Variants in ATE1 observed in about 807,000 individuals in gnomAD.
The protein encoded by ATE1 is arginyl-tRNA--protein transferase 1.
ATE1 carries 36 observed loss-of-function variants against 70.5 expected under a neutral mutation model. That is an observed-to-expected ratio of 0.51 (90% confidence interval 0.39 to 0.67). The LOEUF is 0.67. ATE1 is among the 30% of genes least tolerant of loss of function. The pLI, the probability that ATE1 is intolerant of heterozygous loss-of-function variation, is 0.00. For missense variants in ATE1, 593 were observed against 629.5 expected (o/e 0.94, Z 0.62); for synonymous variants, 232 against 219.3 (o/e 1.06, Z -0.51).
chr10:121,751,353 A>G (rs935311180), intron 11 of ATE1, among the ~76,000 whole-genome samples: 1 of 152,214 alleles, frequency 6.6e-6, no homozygotes, highest in African/African-American at 2.4e-5. Flanking sequence ...TGCAACCATA[A>G]CATCTATTAG....
chr10:121,901,456 A>T (rs892681063), intron 6 of ATE1, among the ~76,000 whole-genome samples: 5 of 152,058 alleles, frequency 3.3e-5, no homozygotes, highest in African/African-American at 1.2e-4. Context: ...CATTATGGCT[A>T]ATGTTTTTGA....
chr10:121,920,501 G>A (rs995701030), intron 3 of ATE1, among the ~76,000 whole-genome samples: 1 of 151,212 alleles, frequency 6.6e-6, no homozygotes, highest in African/African-American at 2.4e-5. Context: ...CTGCATTCCA[G>A]CCTGAGCAAG....
intron 6 of ATE1, among the ~76,000 whole-genome samples, chr10:121,901,230 G>C (rs565882657): frequency 6.6e-6 from 1 of 152,008 alleles, no homozygotes; most frequent in South Asian, 2.1e-4. Flanking sequence ...TCGCGCCATT[G>C]CACTCCAGCC....
Position 121,927,891 on chromosome 10 carries a change from A to C in ATE1, c.59T>G (p.Phe20Cys). 1.3e-6 allele frequency: 2 copies of C among 1,591,980 alleles called. No homozygotes were observed. The highest frequency in any genetic ancestry group is 2.3e-5 in the South Asian group (2 of 88,050). ...SVVDYFPSED[F>C]YRCGYCKNES... ...GTTCTTGCAGTAGCCGCAGCGGTAG[A>C]AGTCCTCGCTAGGGAAATAGTCCAC... The change falls in exon 1 of 12, where the codon TTC becomes TGC. Residue 20 changes from phenylalanine (F) to cysteine (C), a missense_variant. This residue lies in a region of ATE1 where 467 missense variants were observed against 469.6 expected (regional missense o/e 0.99). Coordinates refer to ENST00000224652, the MANE Select transcript of ATE1 (RefSeq NM_001001976.3).
chr10:121,865,796 C>T, intron 8 of ATE1, among the ~76,000 whole-genome samples: 1 of 152,206 alleles, frequency 6.6e-6, no homozygotes, highest in East Asian at 1.9e-4. Flanking sequence ...ACTGACTCTC[C>T]ACACATGGTC....
At position 121,743,670 on chromosome 10, in the gene ATE1, G is replaced by A. The variant is rs747518564; in HGVS notation, c.*10C>T. On this transcript the variant is annotated 3_prime_UTR_variant, in exon 12 of 12. Coordinates refer to ENST00000224652, the MANE Select transcript of ATE1 (RefSeq NM_001001976.3). ...CACAACACAGGAACTTCCCGGCAGA[G>A]GTGAACAGGTCAGTTTCTGAACAGC... is the stretch of plus-strand genomic sequence containing the variant. The A allele has an allele frequency of 1.3e-6, 2 of 1,598,934 alleles. No homozygotes were observed. Among genetic ancestry groups the A allele is most frequent in the South Asian group, 2.3e-5 (2 of 88,582 alleles).
chr10:121,841,227 C>A lies in ATE1; in HGVS notation c.1012G>T (p.Gly338Cys). The A allele has an allele frequency of 6.4e-7, 1 of 1,554,762 alleles. No individual in the cohort carries two copies. Among genetic ancestry groups the A allele is most frequent in the Non-Finnish European group, 8.7e-7 (1 of 1,144,908 alleles). ...TPPNGPDCGYGSFHQQYWLDG... is the reference protein window; with the variant it reads ...TPPNGPDCGYCSFHQQYWLDG... ...AGCCAGTACTGCTGGTGAAAGGAGC[C>A]ATAGCCACAATCTGGCCCATTAGGG... Residue 338 changes from glycine (G) to cysteine (C), a missense_variant, in exon 9 of 12, where the codon GGC (glycine) becomes TGC (cysteine). Transcript: ENST00000224652.
chr10:121,783,818 T>C (rs1461398877), intron 11 of ATE1, among the ~76,000 whole-genome samples: 1 of 152,228 alleles, frequency 6.6e-6, no homozygotes, highest in Non-Finnish European at 1.5e-5. Context: ...ATGATTTCTA[T>C]AATTTACTAC....
chr10:121,754,161 A>G (rs1160161267), intron 11 of ATE1, among the ~76,000 whole-genome samples: 1 of 152,232 alleles, frequency 6.6e-6, no homozygotes, highest in East Asian at 1.9e-4. Context: ...TATGTGTATA[A>G]ACTCACATAT....
chr10:121,842,931 A>G (rs1948684355), intron 8 of ATE1, among the ~76,000 whole-genome samples: 1 of 152,182 alleles, frequency 6.6e-6, no homozygotes, highest in Non-Finnish European at 1.5e-5. Flanking sequence ...AGGTAAGGAT[A>G]TCCTCTCTCA....
intron 3 of ATE1, among the ~76,000 whole-genome samples, chr10:121,920,313 AGCCTAGGAAACATGGTGAGATCT>A (rs1951827986): frequency 6.6e-6 from 1 of 151,844 alleles, no homozygotes; most frequent in Non-Finnish European, 1.5e-5. Flanking sequence ...TGGCGAGATC[AGCCTAGGAAACATGGTGAGATCT>A]GCCTAGGAAA....
intron 2 of ATE1, 63 bp from the exon 3 acceptor site, chr10:121,922,474 A>G: frequency 1.1e-6 from 1 of 932,522 alleles, no homozygotes; most frequent in Non-Finnish European, 1.7e-6. Flanking sequence ...AAAACAGCCT[A>G]GCACAGGAGC....
chr10:121,856,962 G>GA (rs1949272986), intron 8 of ATE1, among the ~76,000 whole-genome samples: 1 of 152,184 alleles, frequency 6.6e-6, no homozygotes, highest in South Asian at 2.1e-4. Context: ...TAATGCTGAA[G>GA]ATTTTGAAAA....
At chr10:121,790,342 G>C (rs1946384837) in intron 10 of ATE1, 53 bp from the exon 11 acceptor site, 3 of 1,594,116 alleles carry the variant, frequency 1.9e-6, no homozygotes, top group Non-Finnish European at 1.7e-6. Flanking sequence ...AGCAATGCCA[G>C]AGATAAAGGG....
intron 8 of ATE1, among the ~76,000 whole-genome samples, chr10:121,856,914 T>C (rs922356969): frequency 2.0e-5 from 3 of 152,230 alleles, no homozygotes; most frequent in East Asian, 3.8e-4. Flanking sequence ...AAACTGCTCA[T>C]TGGTTTACTA....
chr10:121,800,681 C>G (rs963445183), intron 10 of ATE1, among the ~76,000 whole-genome samples: 4 of 152,126 alleles, frequency 2.6e-5, no homozygotes, highest in African/African-American at 9.7e-5. Context: ...AAAAAATTAA[C>G]TAGATAAAGT....
intron 7 of ATE1, among the ~76,000 whole-genome samples, chr10:121,889,263 C>G (rs901870097): frequency 1.1e-4 from 17 of 151,980 alleles, no homozygotes; most frequent in African/African-American, 3.6e-4. Context: ...GTACACATAA[C>G]CTACACCTAA....
intron 8 of ATE1, among the ~76,000 whole-genome samples, chr10:121,844,522 G>C (rs533746627): frequency 6.6e-6 from 1 of 152,200 alleles, no homozygotes; most frequent in East Asian, 1.9e-4. Flanking sequence ...GATGATTTAG[G>C]AGCTGCTCAT....
intron 5 of ATE1, among the ~76,000 whole-genome samples, chr10:121,908,285 C>T (rs891180181): frequency 6.6e-6 from 1 of 152,200 alleles, no homozygotes; most frequent in East Asian, 1.9e-4. Context: ...AGGTGGATCA[C>T]CTGAGGTCAG....
Sources: allele counts gnomAD v4.1 joint callset (sites outside exome capture counted in the v4.1 genomes callset), GRCh38; gene constraint gnomAD v4.1.1; regional missense constraint gnomAD v4.1.1; transcripts MANE v1.5; gene names NCBI Gene and HGNC (gene_info 2026-07-23, HGNC 2026-07-21).